Variants in HERC6 observed in about 807,000 individuals in gnomAD.
The protein encoded by HERC6 is probable E3 ubiquitin-protein ligase HERC6.
In HERC6, 101 loss-of-function variants were observed where a neutral mutation model predicts 114.5. The ratio of observed to expected loss-of-function variants is 0.88; its 90% CI spans 0.75 to 1.04. The LOEUF (loss-of-function observed/expected upper bound fraction) is 1.04. Among genes scored for constraint, HERC6 ranks in the 50% least tolerant of loss-of-function variants. The pLI is 0.00. For synonymous variants in HERC6, 408 were observed against 436.2 expected (o/e 0.94, Z 0.81); for missense variants, 1,133 against 1,230.9 (o/e 0.92, Z 1.19).
chr4:88,384,563 A>G (rs1021998182), intron 2 of HERC6, among the ~76,000 whole-genome samples: 3 of 152,206 alleles, frequency 2.0e-5, no homozygotes, highest in Non-Finnish European at 2.9e-5. Context: ...ATATTAGGAA[A>G]TCACCTCTTG....
chr4:88,413,702 T>C (rs573533165), intron 12 of HERC6, among the ~76,000 whole-genome samples: 1 of 152,376 alleles, frequency 6.6e-6, no homozygotes, highest in Admixed American at 6.5e-5. Context: ...TATGTCCTTT[T>C]ATAGCTTTTA....
At chr4:88,418,752 A>G (rs1736750985) in intron 13 of HERC6, among the ~76,000 whole-genome samples, 1 of 152,104 alleles carries the variant, frequency 6.6e-6, no homozygotes, top group Non-Finnish European at 1.5e-5. Flanking sequence ...CTTGAGACAG[A>G]GTCTAGCCCT....
At chr4:88,384,917 G>A (rs1043120815) in intron 2 of HERC6, among the ~76,000 whole-genome samples, 3 of 152,144 alleles carry the variant, frequency 2.0e-5, no homozygotes, top group African/African-American at 7.2e-5. Flanking sequence ...CAGCTACTTG[G>A]GAGGCTGAGG....
At chr4:88,390,962 C>T in intron 4 of HERC6, 83 bp downstream of exon 4, 3 of 1,148,264 alleles carry the variant, frequency 2.6e-6, no homozygotes, top group Admixed American at 5.0e-5. Flanking sequence ...AGTCTTAACG[C>T]TTAAAACAGT....
At position 88,416,719 on chromosome 4, in the gene HERC6, C is replaced by A. The variant is rs1166938166; in HGVS notation, c.1559-706C>A. Among the ~76,000 whole-genome samples, 3 of 152,136 alleles carry A rather than the reference C, an allele frequency of 2.0e-5. No homozygotes were observed. The East Asian group carries it at 5.8e-4, about 29-fold the overall frequency. ...CCCCACATATTTATTAAATCTTTTT[C>A]ATTCCCACTAATATGCAATGCCGCA... On this transcript the variant is annotated intron_variant, in intron 12 of 22. Coordinates refer to ENST00000264346, the MANE Select transcript of HERC6 (RefSeq NM_017912.4).
At chr4:88,414,779 G>A (rs1454049525) in intron 12 of HERC6, among the ~76,000 whole-genome samples, 5 of 152,102 alleles carry the variant, frequency 3.3e-5, no homozygotes, top group East Asian at 1.9e-4. Flanking sequence ...GATTCTAGCC[G>A]GCTTCTTTAC....
chr4:88,387,306 A>C (rs1246302944), intron 3 of HERC6, among the ~76,000 whole-genome samples: 10 of 152,170 alleles, frequency 6.6e-5, no homozygotes, highest in Admixed American at 5.2e-4. Flanking sequence ...CTGAAGTTGG[A>C]GGAGTGCTCG....
In HERC6 at chr4:88,428,692, A is replaced by C. The variant is rs1737885730; in HGVS notation, c.2048A>C (p.Lys683Thr). The change falls in exon 16 of 23, where the codon AAA becomes ACA. Residue 683 changes from lysine to threonine, a missense_variant. Lys to Thr is a moderately conservative substitution (Grantham distance 78, BLOSUM62 -1). Transcript: ENST00000264346. ...AGAGTCAGACGAAGTCGCCTGGTTA[A>C]AGATGCTCTGCGTCAATTAAGTCAA... ...ILRVRRSRLV[K>T]DALRQLSQAE... 1.3e-6 allele frequency: 2 copies of C among 1,599,678 alleles called. No homozygotes were observed. The highest frequency in any genetic ancestry group is 2.3e-5 in the South Asian group (2 of 87,556).
Position 88,380,345 on chromosome 4 carries a change from ATAATATAAATAT to A in HERC6, c.199+1226_199+1237del, listed in dbSNP as rs1411945323. Among the ~76,000 whole-genome samples, 44 of 27,218 alleles carry A rather than the reference ATAATATAAATAT, an allele frequency of 1.6e-3. 2 individuals are homozygous for A. The highest frequency in any genetic ancestry group is 9.7e-3 in the African/African-American group (44 of 4,526). The allele number at this position is 27,218 out of a possible 152,430, so 17.9% of individuals were successfully genotyped here. On this transcript the variant is annotated intron_variant, in intron 1 of 22. Transcript: ENST00000264346. ...ATATATATAATATATAAATATATATATAATATAAATATATATATAATATATAAATATATATAT... is the reference window on the plus strand; with the variant it reads ...ATATATATAATATATAAATATATATAATATATAATATATAAATATATATAT...
intron 17 of HERC6, among the ~76,000 whole-genome samples, chr4:88,435,124 T>C (rs1010544203): frequency 1.3e-5 from 2 of 152,160 alleles, no homozygotes; most frequent in Non-Finnish European, 2.9e-5. Flanking sequence ...CCTGGATAGA[T>C]GGAGCCAGTG....
chr4:88,385,458 C>A, intron 2 of HERC6, 41 bp from the exon 3 acceptor site: 2 of 982,420 alleles, frequency 2.0e-6, no homozygotes, highest in Non-Finnish European at 3.0e-6. Flanking sequence ...ACAACTCGCT[C>A]TAAATAAGGA....
intron 12 of HERC6, among the ~76,000 whole-genome samples, chr4:88,416,055 C>G (rs1736444046): frequency 6.6e-6 from 1 of 152,196 alleles, no homozygotes; most frequent in Non-Finnish European, 1.5e-5. Context: ...CAGTTGGTGT[C>G]AGCCATTCTG....
At position 88,442,585 on chromosome 4, in the gene HERC6, T is replaced by C; in HGVS notation, c.*125T>C. ...GTAGTTGAGGGAGAGATTGGGGGAA[T>C]GGGGAGATGATGATGATGGTCAAAG... On this transcript the variant is annotated 3_prime_UTR_variant, in exon 23 of 23. Coordinates refer to ENST00000264346, the MANE Select transcript of HERC6 (RefSeq NM_017912.4). 1.3e-6 allele frequency: 1 copy of C among 760,846 alleles called. No homozygotes were observed. The highest frequency in any genetic ancestry group is 2.2e-6 in the Non-Finnish European group (1 of 455,858). The allele number at this position is 760,846 out of a possible 1,614,324, so 47.1% of individuals were successfully genotyped here. A position where few individuals can be genotyped will look rare whatever the true frequency, so the allele number is the denominator to read the frequency against.
At chr4:88,405,362 T>C (rs1222407110) in intron 9 of HERC6, among the ~76,000 whole-genome samples, 192 bp from the exon 10 acceptor site, 2 of 152,242 alleles carry the variant, frequency 1.3e-5, no homozygotes, top group Non-Finnish European at 2.9e-5. Context: ...ACAAATCAAC[T>C]ATAAAGGGTT....
chr4:88,419,926 C>G (rs2148931900), intron 13 of HERC6, among the ~76,000 whole-genome samples: 1 of 152,142 alleles, frequency 6.6e-6, no homozygotes, highest in East Asian at 1.9e-4. Flanking sequence ...TCCTAGGACC[C>G]AAACATTGTC....
rs775516974 is a variant in HERC6, at chr4:88,396,100, T to C, written c.845T>C (p.Val282Ala). 2 of 1,605,786 alleles carry C rather than the reference T, an allele frequency of 1.2e-6. No homozygotes were observed. The highest frequency in any genetic ancestry group is 4.5e-5 in the East Asian group (2 of 44,284). The part of the protein sequence containing the change: ...PTPEKRGPQL[V>A]ERIDGLVSQI... The stretch of plus-strand genomic sequence containing the variant: ...CCTGAGAAGAGAGGTCCACAACTTG[T>C]GGAAAGAATTGATGGCCTAGTTTCG... Residue 282 changes from valine to alanine, a missense_variant, in exon 6 of 23, where the codon GTG (valine) becomes GCG (alanine). Val to Ala is a moderately conservative substitution (Grantham distance 64). This residue lies in a region of HERC6 where 735 missense variants were observed against 754.0 expected (regional missense o/e 0.97). Coordinates refer to ENST00000264346, the MANE Select transcript of HERC6 (RefSeq NM_017912.4).
intron 3 of HERC6, among the ~76,000 whole-genome samples, chr4:88,388,429 C>A (rs1734708747): frequency 6.6e-6 from 1 of 151,478 alleles, no homozygotes; most frequent in African/African-American, 2.4e-5. Context: ...CAGGTACCTG[C>A]AATCCTAGCT....
At chr4:88,432,297 T>G (rs924254748) in intron 17 of HERC6, among the ~76,000 whole-genome samples, 4 of 151,776 alleles carry the variant, frequency 2.6e-5, no homozygotes, top group Admixed American at 2.6e-4. Flanking sequence ...ATGCAAATGT[T>G]CCAAGTCTGA....
intron 13 of HERC6, among the ~76,000 whole-genome samples, chr4:88,422,165 T>C (rs1737132825): frequency 6.6e-6 from 1 of 152,222 alleles, no homozygotes; most frequent in Non-Finnish European, 1.5e-5. Flanking sequence ...TGTATAGAAA[T>C]GCAGTAATTT....
Sources: gnomAD v4.1 joint callset for allele counts (sites outside exome capture counted in the v4.1 genomes callset) on GRCh38, gnomAD v4.1.1 for gene constraint, gnomAD v4.1.1 regional missense constraint, MANE v1.5 for transcripts, NCBI Gene and HGNC (gene_info 2026-07-23, HGNC 2026-07-21) for gene names.